The following CSMD1 variants were observed in gnomAD, a reference collection of about 807,000 sequenced individuals.
CSMD1 encodes CUB and Sushi multiple domains 1.
CSMD1 carries 213 observed loss-of-function variants against 417.5 expected under a neutral mutation model. The observed-to-expected ratio is 0.51, with a 90% CI of 0.46 to 0.57. CSMD1 has a LOEUF of 0.57. Among genes scored for constraint, CSMD1 ranks in the 20% least tolerant of loss-of-function variants. CSMD1 has a pLI of 0.00. For missense variants in CSMD1, 6,923 were observed against 4,529.7 expected (o/e 1.53, Z -15.17); for synonymous variants, 2,862 against 1,736.8 (o/e 1.65, Z -16.11).
At chr8:4,475,329 T>G (rs1800741183) in intron 2 of CSMD1, among the ~76,000 whole-genome samples, 1 of 152,156 alleles carries the variant, frequency 6.6e-6, no homozygotes, top group African/African-American at 2.4e-5. Flanking sequence ...TGTGATAGCT[T>G]CATAAGACAG....
chr8:4,173,357 G>A (rs75064118), intron 3 of CSMD1, among the ~76,000 whole-genome samples: 98 of 152,260 alleles, frequency 6.4e-4, no homozygotes, highest in African/African-American at 1.9e-3. Context: ...AGTATGTGGT[G>A]ATGCTGAACA....
chr8:3,555,659 T>C (rs767180325), intron 10 of CSMD1, among the ~76,000 whole-genome samples: 2 of 152,188 alleles, frequency 1.3e-5, no homozygotes, highest in Non-Finnish European at 2.9e-5. Context: ...ACATGTACAC[T>C]TGAATCTGAT....
intron 3 of CSMD1, among the ~76,000 whole-genome samples, chr8:4,338,007 TG>T (rs2128893946): frequency 6.6e-6 from 1 of 152,206 alleles, no homozygotes; most frequent in South Asian, 2.1e-4. Context: ...CAAATAGAGG[TG>T]TTCTGAGTGG....
At chr8:3,608,220 G>T (rs117502802) in intron 8 of CSMD1, among the ~76,000 whole-genome samples, 3,741 of 151,538 alleles carry the variant, frequency 0.025, 67 homozygotes, top group Middle Eastern at 0.079. Flanking sequence ...GGACACTGAA[G>T]GTGGGCAGGT....
At chr8:4,597,351 C>G (rs770866394) in intron 2 of CSMD1, among the ~76,000 whole-genome samples, 1 of 152,136 alleles carries the variant, frequency 6.6e-6, no homozygotes, top group Non-Finnish European at 1.5e-5. Flanking sequence ...ATGGCACTCT[C>G]ATTTCACAGA....
chr8:3,457,170 T>G (rs1003277389), intron 12 of CSMD1, among the ~76,000 whole-genome samples: 2 of 123,448 alleles, frequency 1.6e-5, no homozygotes, highest in African/African-American at 5.5e-5. Context: ...GTACCTCTCT[T>G]CCTGGACTCC....
At chr8:4,992,836 C>G (rs1811546233) in intron 1 of CSMD1, among the ~76,000 whole-genome samples, 1 of 152,218 alleles carries the variant, frequency 6.6e-6, no homozygotes, top group South Asian at 2.1e-4. Flanking sequence ...TCCCGAGCGA[C>G]CACGAGCTTG....
intron 26 of CSMD1, among the ~76,000 whole-genome samples, chr8:3,240,920 C>T (rs901073823): frequency 5.3e-5 from 8 of 151,936 alleles, no homozygotes; most frequent in African/African-American, 1.9e-4. Context: ...CAAGTGATAA[C>T]AGGCTTTAAT....
chr8:4,767,984 G>A (rs1266786885), intron 1 of CSMD1, among the ~76,000 whole-genome samples: 1 of 151,000 alleles, frequency 6.6e-6, no homozygotes, highest in Non-Finnish European at 1.5e-5. Context: ...CACAGAGTGT[G>A]GAGCATGGTG....
intron 4 of CSMD1, among the ~76,000 whole-genome samples, chr8:4,003,439 T>C (rs560112534): frequency 1.3e-5 from 2 of 150,758 alleles, no homozygotes; most frequent in African/African-American, 2.4e-5. Flanking sequence ...AATAAATAAA[T>C]AGATAAGTAA....
At chr8:3,374,875 T>C (rs1356225099) in intron 18 of CSMD1, among the ~76,000 whole-genome samples, 2 of 152,176 alleles carry the variant, frequency 1.3e-5, no homozygotes, top group African/African-American at 4.8e-5. Flanking sequence ...AGTCTTCTAA[T>C]AAATGGAAGT....
chr8:4,053,965 T>A (rs1344498279), intron 3 of CSMD1, among the ~76,000 whole-genome samples: 1 of 152,204 alleles, frequency 6.6e-6, no homozygotes, highest in Non-Finnish European at 1.5e-5. Flanking sequence ...TTACCGTGCA[T>A]TCAAAAGTAT....
At chr8:3,606,345 A>C (rs538188305) in intron 8 of CSMD1, among the ~76,000 whole-genome samples, 1 of 152,318 alleles carries the variant, frequency 6.6e-6, no homozygotes, top group South Asian at 2.1e-4. Flanking sequence ...GGTACAGCCT[A>C]GTCCTCCCAG....
chr8:4,292,630 G>A (rs1161572731), intron 3 of CSMD1, among the ~76,000 whole-genome samples: 4 of 152,080 alleles, frequency 2.6e-5, no homozygotes, highest in African/African-American at 4.8e-5. Context: ...GATATTTTCT[G>A]TGCCTCAGTC....
chr8:3,230,251 C>A lies in CSMD1; in HGVS notation c.4154-20G>T. 2 of 1,545,164 alleles carry A rather than the reference C, an allele frequency of 1.3e-6. No individual in the cohort carries two copies. Among genetic ancestry groups the A allele is most frequent in the Non-Finnish European group, 1.8e-6 (2 of 1,141,898 alleles). ...TTGAGGCTGCAAACAAAAGAGAAGG[C>A]AAGGTCACAGGCTGGAAAACATGGT... is the stretch of plus-strand genomic sequence containing the variant. On this transcript the variant is annotated intron_variant, in intron 26 of 69. Transcript: ENST00000635120.
intron 12 of CSMD1, among the ~76,000 whole-genome samples, chr8:3,450,365 G>T (rs953058355): frequency 2.0e-5 from 3 of 151,700 alleles, no homozygotes; most frequent in African/African-American, 7.3e-5. Context: ...CAACGTGCAG[G>T]TTTGTTACAT....
intron 2 of CSMD1, among the ~76,000 whole-genome samples, chr8:4,487,314 C>G (rs1464636370): frequency 6.6e-6 from 1 of 151,984 alleles, no homozygotes; most frequent in Non-Finnish European, 1.5e-5. Context: ...TAATGCTATC[C>G]CTCCCCTCTC....
chr8:4,121,443 C>T (rs977804500), intron 3 of CSMD1, among the ~76,000 whole-genome samples: 5 of 152,250 alleles, frequency 3.3e-5, no homozygotes, highest in Middle Eastern at 6.8e-3. Context: ...CCCACCACAC[C>T]GGTCAAGGGC....
intron 3 of CSMD1, among the ~76,000 whole-genome samples, chr8:4,193,865 G>C (rs779131): frequency 1.3e-5 from 2 of 151,774 alleles, no homozygotes; most frequent in African/African-American, 4.9e-5. Flanking sequence ...CTTCAGCACC[G>C]AGAAGCCTCA....
Sources: gnomAD v4.1 joint callset for allele counts (sites outside exome capture counted in the v4.1 genomes callset) on GRCh38, gnomAD v4.1.1 for gene constraint, MANE v1.5 for transcripts, NCBI Gene and HGNC (gene_info 2026-07-23, HGNC 2026-07-21) for gene names.